Variants in PVT1 observed in about 807,000 individuals in gnomAD.
PVT1 encodes Pvt1 oncogene.
At chr8:127,952,971 G>A (rs7007343) in intron 3 of PVT1, among the ~76,000 whole-genome samples, 128,396 of 151,622 alleles carry the variant, frequency 0.85, 54,965 homozygotes, top group African/African-American at 0.96. Context: ...TCACCATGTT[G>A]GCCAGGATGG....
chr8:127,873,393 T>A (rs188612376), intron 2 of PVT1, among the ~76,000 whole-genome samples: 1 of 152,344 alleles, frequency 6.6e-6, no homozygotes, highest in East Asian at 1.9e-4. Flanking sequence ...TTCTAACTTC[T>A]GGAAGCACAA....
chr8:127,812,664 G>A (rs1489065354), intron 2 of PVT1, among the ~76,000 whole-genome samples: 4 of 150,900 alleles, frequency 2.7e-5, no homozygotes, highest in Non-Finnish European at 5.9e-5. Context: ...GGGAAGGAAG[G>A]GAGGGAAGGG....
chr8:127,928,753 T>C (rs182580681), intron 3 of PVT1, among the ~76,000 whole-genome samples: 2 of 152,326 alleles, frequency 1.3e-5, no homozygotes, highest in African/African-American at 4.8e-5. Flanking sequence ...GCTCACAGCC[T>C]GTCCTGCTGC....
chr8:127,978,982 C>T (rs1431986649), intron 3 of PVT1, among the ~76,000 whole-genome samples: 1 of 152,330 alleles, frequency 6.6e-6, no homozygotes, highest in Admixed American at 6.5e-5. Flanking sequence ...CCTCAAGTGA[C>T]CCTTCCGCCT....
At chr8:127,982,500 T>C (rs952760201) in intron 3 of PVT1, among the ~76,000 whole-genome samples, 2 of 151,944 alleles carry the variant, frequency 1.3e-5, no homozygotes, top group African/African-American at 2.4e-5. Context: ...CAATTTCTTT[T>C]TTTCCTTTTA....
At chr8:127,955,724 A>G (rs1479047082) in intron 3 of PVT1, among the ~76,000 whole-genome samples, 1 of 152,106 alleles carries the variant, frequency 6.6e-6, no homozygotes, top group Non-Finnish European at 1.5e-5. Context: ...CTGGGATTAC[A>G]GGCACGTTCC....
chr8:127,870,318 C>T (rs1815338553), intron 2 of PVT1, among the ~76,000 whole-genome samples: 2 of 152,162 alleles, frequency 1.3e-5, no homozygotes, highest in Non-Finnish European at 2.9e-5. Context: ...CAGGAAGCCA[C>T]CAGATGCCAG....
chr8:127,954,167 T>C (rs1816541402), intron 3 of PVT1, among the ~76,000 whole-genome samples: 1 of 152,150 alleles, frequency 6.6e-6, no homozygotes, highest in South Asian at 2.1e-4. Context: ...CAGAATGTTA[T>C]TTGAGAATCA....
At chr8:128,050,433 G>T (rs544987665) in intron 4 of PVT1, among the ~76,000 whole-genome samples, 4 of 152,300 alleles carry the variant, frequency 2.6e-5, no homozygotes, top group South Asian at 2.1e-4. Context: ...CATCACTCCA[G>T]CCTGTGAATA....
intron 4 of PVT1, among the ~76,000 whole-genome samples, chr8:128,057,994 G>A (rs1813781492): frequency 6.6e-6 from 1 of 152,200 alleles, no homozygotes; most frequent in Non-Finnish European, 1.5e-5. Context: ...CCAACCCTGA[G>A]ATCAAATTAG....
intron 3 of PVT1, among the ~76,000 whole-genome samples, chr8:127,965,275 AC>A (rs1274513634): frequency 6.6e-6 from 1 of 152,214 alleles, no homozygotes; most frequent in African/African-American, 2.4e-5. Context: ...TCCCTCATAT[AC>A]TTTACCCAAG....
chr8:127,874,530 A>G (rs1226643193), intron 2 of PVT1, among the ~76,000 whole-genome samples: 1 of 152,138 alleles, frequency 6.6e-6, no homozygotes, highest in Non-Finnish European at 1.5e-5. Flanking sequence ...GGCTGGTGCT[A>G]TGGTTTTGTC....
intron 4 of PVT1, among the ~76,000 whole-genome samples, chr8:128,012,038 C>T (rs938311738): frequency 1.1e-4 from 16 of 152,206 alleles, no homozygotes; most frequent in Admixed American, 5.2e-4. Flanking sequence ...TGAATCATTA[C>T]AAACAGAAAC....
chr8:128,017,015 G>A (rs1386546687), intron 4 of PVT1, among the ~76,000 whole-genome samples: 1 of 152,204 alleles, frequency 6.6e-6, no homozygotes, highest in Non-Finnish European at 1.5e-5. Flanking sequence ...GCAAGACCCT[G>A]TCTCAAAAGA....
At chr8:127,937,578 CACAG>C (rs1181590446) in intron 3 of PVT1, among the ~76,000 whole-genome samples, 162 of 119,298 alleles carry the variant, frequency 1.4e-3, no homozygotes, top group African/African-American at 5.0e-3. Context: ...CACACACACA[CACAG>C]AGAGAGAGAG....
At chr8:128,082,777 G>T (rs1218786728) in intron 5 of PVT1, 1 of 152,156 alleles carries the variant, frequency 6.6e-6, no homozygotes, top group East Asian at 1.9e-4. Context: ...ACCTGGATGT[G>T]CAGCAGCCAT....
At chr8:128,073,767 C>G (rs886751544) in intron 5 of PVT1, among the ~76,000 whole-genome samples, 1 of 151,916 alleles carries the variant, frequency 6.6e-6, no homozygotes, top group Non-Finnish European at 1.5e-5. Flanking sequence ...TCCTGACCAT[C>G]CTGGGAGCTG....
intron 4 of PVT1, among the ~76,000 whole-genome samples, chr8:128,038,066 C>A (rs1267298651): frequency 2.0e-5 from 3 of 152,094 alleles, no homozygotes; most frequent in Non-Finnish European, 4.4e-5. Flanking sequence ...TGGCCAGTAT[C>A]GAACAAAGAA....
chr8:127,969,448 C>A (rs1563653141), intron 3 of PVT1, among the ~76,000 whole-genome samples: 1 of 152,174 alleles, frequency 6.6e-6, no homozygotes, highest in Admixed American at 6.5e-5. Flanking sequence ...TTTTGGAGCC[C>A]CTGCTGGCCA....
Sources: allele counts gnomAD v4.1 joint callset (sites outside exome capture counted in the v4.1 genomes callset), GRCh38; gene constraint gnomAD v4.1.1; transcripts MANE v1.5; gene names NCBI Gene and HGNC (gene_info 2026-07-23, HGNC 2026-07-21).